PLEKHG1: variants seen among roughly 807,000 people sequenced by gnomAD.
The protein encoded by PLEKHG1 is pleckstrin homology domain-containing family G member 1.
In PLEKHG1, 44 loss-of-function variants were observed where a neutral mutation model predicts 100.8. The ratio of observed to expected loss-of-function variants is 0.44; its 90% CI spans 0.34 to 0.56. The LOEUF is 0.56. Ranked by LOEUF, PLEKHG1 falls within the 20% of genes least tolerant of loss-of-function variation. The probability of loss-of-function intolerance (pLI) is 0.01; values close to 1 mark genes in which losing one functional copy is unlikely to be tolerated. For missense variants in PLEKHG1, 1,545 were observed against 1,720.9 expected (o/e 0.90, Z 1.81); for synonymous variants, 640 against 662.5 (o/e 0.97, Z 0.52).
intron 11 of PLEKHG1, among the ~76,000 whole-genome samples, chr6:150,818,585 G>A (rs1776118860): frequency 6.6e-6 from 1 of 152,128 alleles, no homozygotes; most frequent in Non-Finnish European, 1.5e-5. Flanking sequence ...TTGATTATCT[G>A]CAAGAATCGC....
chr6:150,737,987 T>A (rs897223958), intron 2 of PLEKHG1, among the ~76,000 whole-genome samples: 6 of 150,932 alleles, frequency 4.0e-5, no homozygotes, highest in Non-Finnish European at 5.9e-5. Flanking sequence ...TTTTTTTTTT[T>A]AATTTTTGTA....
intron 3 of PLEKHG1, chr6:150,663,262 C>T (rs1779268727): frequency 6.6e-6 from 1 of 152,168 alleles, no homozygotes; most frequent in Non-Finnish European, 1.5e-5. Context: ...AATTCATTCT[C>T]TGCCCCCTAC....
At chr6:150,749,278 C>T (rs1455782647) in intron 2 of PLEKHG1, among the ~76,000 whole-genome samples, 22 of 152,088 alleles carry the variant, frequency 1.4e-4, no homozygotes, top group Non-Finnish European at 8.8e-5. Flanking sequence ...ACTTGATTGC[C>T]CAGTTGTCTA....
chr6:150,831,700 G>T lies in PLEKHG1; in HGVS notation c.2589G>T (p.Val863=), dbSNP rs375310122. Reference sequence around the variant, plus strand: ...ACCGTCTCCTGGCAGCGTTTCCTGTGAGCAAGGATGATGTGCCAGACAGGC... The same window carrying T: ...ACCGTCTCCTGGCAGCGTTTCCTGTTAGCAAGGATGATGTGCCAGACAGGC... Residue 863 remains valine (V), a synonymous_variant, in exon 15 of 16, where the codon GTG becomes GTT. Coordinates refer to ENST00000358517, the Ensembl canonical transcript of PLEKHG1. This position sits in a 1 kb window ranked among gnomAD's most constrained non-coding sequence, Gnocchi z 4.1. The T allele has an allele frequency of 6.2e-7, 1 of 1,613,032 alleles. No individual in the cohort carries two copies. Among genetic ancestry groups the T allele is most frequent in the Non-Finnish European group, 8.5e-7 (1 of 1,180,042 alleles).
chr6:150,676,304 C>T (rs17080093), intron 3 of PLEKHG1, among the ~76,000 whole-genome samples: 17,768 of 152,100 alleles, frequency 0.12, 1,240 homozygotes, highest in African/African-American at 0.19. Flanking sequence ...AGGATAAAAC[C>T]GGCTATTACA....
chr6:150,703,600 TA>T lies in PLEKHG1; in HGVS notation c.-98-29970del, dbSNP rs71690247. On this transcript the variant is annotated intron_variant, in intron 3 of 3. Transcript: ENST00000367326. ...TGGGCGACAGAGCAAGACTCCATCT[TA>T]AAAAAAAAAAAAACAAAACAACTTT... is the stretch of plus-strand genomic sequence containing the variant. Among the ~76,000 whole-genome samples, 283 of 128,936 alleles carry T rather than the reference TA, an allele frequency of 2.2e-3. 1 individual carries two copies. Among genetic ancestry groups the T allele is most frequent in the East Asian group, 0.012 (55 of 4,592 alleles). The allele number at this position is 128,936 out of a possible 152,430, so 84.6% of individuals were successfully genotyped here. A position where few individuals can be genotyped will look rare whatever the true frequency, so the allele number is the denominator to read the frequency against.
rs1776522404 is a variant in PLEKHG1 at position 150,825,089 on chromosome 6, C to A, written c.1470+1413C>A. Among the ~76,000 whole-genome samples, 3 of 152,160 alleles carry A rather than the reference C, an allele frequency of 2.0e-5. No homozygotes were observed. In the South Asian group the frequency reaches 6.2e-4, roughly 32 times the overall value. On this transcript the variant is annotated intron_variant, in intron 14 of 15. Transcript: ENST00000358517. ...TCCCCATCAAAGAGTTCTAGAGATTCAGTCTCAGGAGCTGCTTGAAAACTT... is the reference window on the plus strand; with the variant it reads ...TCCCCATCAAAGAGTTCTAGAGATTAAGTCTCAGGAGCTGCTTGAAAACTT...
At chr6:150,629,126 T>C (rs1385409138) in intron 1 of PLEKHG1, among the ~76,000 whole-genome samples, 1 of 152,184 alleles carries the variant, frequency 6.6e-6, no homozygotes, top group Non-Finnish European at 1.5e-5. Context: ...ACACAGGTGG[T>C]GTGTACTTTG....
intron 1 of PLEKHG1, chr6:150,605,728 T>C (rs1776574983): frequency 6.6e-6 from 1 of 152,226 alleles, no homozygotes; most frequent in Non-Finnish European, 1.5e-5. Flanking sequence ...TCCTGTTTTA[T>C]CAGATCTAAG....
intron 2 of PLEKHG1, among the ~76,000 whole-genome samples, chr6:150,756,381 C>T (rs761747168): frequency 2.6e-5 from 4 of 152,028 alleles, no homozygotes; most frequent in Non-Finnish European, 4.4e-5. Context: ...ATATAGTCAG[C>T]GAGACAATCA....
intron 14 of PLEKHG1, 104 bp from the exon 16 acceptor site, chr6:150,830,477 TA>T: frequency 1.3e-6 from 1 of 781,606 alleles, no homozygotes; most frequent in South Asian, 1.9e-5. Flanking sequence ...AAAAGAATAT[TA>T]AAGCCTAGTG....
intron 1 of PLEKHG1, among the ~76,000 whole-genome samples, chr6:150,633,488 T>C: frequency 6.6e-6 from 1 of 152,158 alleles, no homozygotes; most frequent in East Asian, 1.9e-4. Context: ...TGCAGAGCTT[T>C]AGCTGGGGCA....
At chr6:150,734,689 G>C (rs56009527) in intron 2 of PLEKHG1, among the ~76,000 whole-genome samples, 1,841 of 152,272 alleles carry the variant, frequency 0.012, 37 homozygotes, top group African/African-American at 0.041. Context: ...GAAAGGTAGA[G>C]AAAAGTCGTG....
intron 14 of PLEKHG1, among the ~76,000 whole-genome samples, chr6:150,826,229 G>A (rs923681834): frequency 2.6e-5 from 4 of 152,082 alleles, no homozygotes; most frequent in Non-Finnish European, 5.9e-5. Flanking sequence ...AGGTCACAGC[G>A]GGCGGATTGC....
At chr6:150,660,391 T>C (rs1779139422) in intron 3 of PLEKHG1, among the ~76,000 whole-genome samples, 1 of 152,210 alleles carries the variant, frequency 6.6e-6, no homozygotes, top group Non-Finnish European at 1.5e-5. Context: ...ACATTCTAAT[T>C]TTTTCATGAT....
At chr6:150,680,945 GGACA>G (rs912209495) in intron 3 of PLEKHG1, among the ~76,000 whole-genome samples, 3 of 152,170 alleles carry the variant, frequency 2.0e-5, no homozygotes, top group African/African-American at 7.2e-5. Context: ...CCCACCATTA[GGACA>G]GACAAAGAGG....
intron 2 of PLEKHG1, among the ~76,000 whole-genome samples, chr6:150,758,180 C>A (rs1783953059): frequency 6.6e-6 from 1 of 152,048 alleles, no homozygotes; most frequent in Non-Finnish European, 1.5e-5. Flanking sequence ...ATTTATATTC[C>A]TTTGGGTATA....
intron 2 of PLEKHG1, among the ~76,000 whole-genome samples, chr6:150,763,818 A>G (rs767894236): frequency 6.6e-6 from 1 of 152,198 alleles, no homozygotes; most frequent in Non-Finnish European, 1.5e-5. Flanking sequence ...GCCACAGTGG[A>G]TGAGAAAGCA....
At chr6:150,820,772 G>A (rs904582437) in intron 12 of PLEKHG1, among the ~76,000 whole-genome samples, 2 of 152,124 alleles carry the variant, frequency 1.3e-5, no homozygotes, top group Non-Finnish European at 2.9e-5. Flanking sequence ...GGCTGAGGCA[G>A]GAGAATTACT....
Sources: gnomAD v4.1 joint callset for allele counts (sites outside exome capture counted in the v4.1 genomes callset) on GRCh38, gnomAD v4.1.1 for gene constraint, Gnocchi (gnomAD v3.1) non-coding constraint, MANE v1.5 for transcripts, NCBI Gene and HGNC (gene_info 2026-07-23, HGNC 2026-07-21) for gene names.